Variants in FRMD8 observed in about 807,000 individuals in gnomAD.
FRMD8 encodes the protein FERM domain-containing protein 8.
A neutral mutation model predicts 54.2 loss-of-function variants in FRMD8; 37 were observed. The ratio of observed to expected loss-of-function variants is 0.68; its 90% CI spans 0.53 to 0.90. The LOEUF (loss-of-function observed/expected upper bound fraction) is 0.90. Ranked by LOEUF, FRMD8 falls within the 40% of genes least tolerant of loss-of-function variation. The pLI is 0.00. For synonymous variants in FRMD8, 246 were observed against 286.9 expected, an observed-to-expected ratio of 0.86 and a Z score of 1.44; for missense variants, 585 against 653.7, an observed-to-expected ratio of 0.89 and a Z score of 1.15.
Position 65,411,288 on chromosome 11 carries a change from C to T in FRMD8, c.1323C>T (p.Phe441=), listed in dbSNP as rs765061540. ...RVKPKRTTSF[F]SRQLSLGQGS... The stretch of plus-strand genomic sequence containing the variant: ...AGCCGAAGCGCACCACATCCTTCTT[C>T]AGCCGGCAGCTGTCCTTGGGCCAGG... Residue 441 remains phenylalanine (F), a synonymous_variant, in exon 11 of 11, where the codon TTC becomes TTT. Transcript: ENST00000317568. The T allele has an allele frequency of 5.6e-6, 9 of 1,609,760 alleles. No individual in the cohort carries two copies. Among genetic ancestry groups the T allele is most frequent in the Non-Finnish European group, 6.8e-6 (8 of 1,179,300 alleles).
chr11:65,408,337 G>A (rs1321765225), intron 10 of FRMD8, among the ~76,000 whole-genome samples: 1 of 152,018 alleles, frequency 6.6e-6, no homozygotes, highest in Non-Finnish European at 1.5e-5. Flanking sequence ...GCCTCCCAAA[G>A]TGCTGGGATT....
rs1856042145 is a variant in FRMD8, at chr11:65,400,165, A to G, written c.927+306A>G. Among the ~76,000 whole-genome samples, 1 of 152,184 alleles carries G rather than the reference A, an allele frequency of 6.6e-6. No homozygotes were observed. Among genetic ancestry groups the G allele is most frequent in the Non-Finnish European group, 1.5e-5 (1 of 68,006 alleles). On this transcript the variant is annotated intron_variant, in intron 8 of 10. Transcript: ENST00000317568. The surrounding 1 kb of genome is among the most constrained non-coding windows in gnomAD (Gnocchi z 4.3). ...TGGCTGGAGAACAGCCTGATGCTCC[A>G]GAAGACCCCGCGACGGGAGCCCTCT...
At position 65,389,400 on chromosome 11, in the gene FRMD8, T is replaced by C. The variant is rs190868663; in HGVS notation, c.125T>C (p.Val42Ala). The change falls in exon 3 of 11, where the codon GTG (valine) becomes GCG (alanine). Residue 42 changes from valine to alanine, a missense_variant. Physicochemically the swap from Val to Ala is moderately conservative, Grantham distance 64. Transcript: ENST00000317568. ...GTATACCTAGCGGATGACACGGTGG[T>C]GCCCCTGGCTGTGGAGAACCTGCCC... ...VLVYLADDTV[V>A]PLAVENLPSL... 8 of 1,610,728 alleles carry C rather than the reference T, an allele frequency of 5.0e-6. No individual in the cohort carries two copies. The Admixed American group carries it at 1.2e-4, about 23-fold the overall frequency.
chr11:65,375,113 T>A, the FRMD8 span: 1 of 148,908 alleles, frequency 6.7e-6, no homozygotes, highest in Admixed American at 6.7e-5. Flanking sequence ...GGCTGGGAGG[T>A]TCAACAGAAA....
At chr11:65,390,794 G>A (rs1246268140) in intron 3 of FRMD8, among the ~76,000 whole-genome samples, 2 of 152,210 alleles carry the variant, frequency 1.3e-5, no homozygotes, top group Non-Finnish European at 2.9e-5. Flanking sequence ...GAGCCTGCTG[G>A]GCAGCCTGCC....
At chr11:65,382,058 T>G (rs1035164606), upstream of FRMD8, 1 of 1,021,060 alleles carries the variant, frequency 9.8e-7, no homozygotes, top group African/African-American at 1.6e-5. The surrounding 1 kb of genome is among the most constrained non-coding windows in gnomAD (Gnocchi z 4.4). Context: ...TGTTTAACCC[T>G]GGCGGGAAGG....
chr11:65,373,340 T>C, the FRMD8 span, among the ~76,000 whole-genome samples: 2 of 152,198 alleles, frequency 1.3e-5, no homozygotes, highest in East Asian at 1.9e-4. Flanking sequence ...GTGTTTTCCA[T>C]AGGAGGAGCA....
At position 65,400,936 on chromosome 11, in the gene FRMD8, G is replaced by T; in HGVS notation, c.1071+69G>T. On this transcript the variant is annotated intron_variant, in intron 9 of 10. Transcript: ENST00000317568. The surrounding 1 kb of genome is among the most constrained non-coding windows in gnomAD (Gnocchi z 4.3). Reference sequence around the variant, plus strand: ...AGGTGCCCTGGGTCCCAGACAATTAGAGGCACCAGGCTGGCGGGCAAGGAG... The same window carrying T: ...AGGTGCCCTGGGTCCCAGACAATTATAGGCACCAGGCTGGCGGGCAAGGAG... 1 of 1,494,312 alleles carries T rather than the reference G, an allele frequency of 6.7e-7. No homozygotes were observed. The highest frequency in any genetic ancestry group is 1.8e-4 in the Middle Eastern group (1 of 5,590). 92.6% of individuals were successfully genotyped at this position (1,494,312 alleles called of 1,614,324 possible).
the FRMD8 span, among the ~76,000 whole-genome samples, chr11:65,373,228 C>T: frequency 6.6e-6 from 1 of 152,022 alleles, no homozygotes; most frequent in Non-Finnish European, 1.5e-5. Flanking sequence ...CAGAGCAACA[C>T]ACCATCTCAA....
At chr11:65,368,962 G>A in the FRMD8 span, among the ~76,000 whole-genome samples, 1 of 152,156 alleles carries the variant, frequency 6.6e-6, no homozygotes, top group Non-Finnish European at 1.5e-5. Context: ...TTACACGAAT[G>A]AGAGTGTGTC....
chr11:65,369,327 G>A, the FRMD8 span, among the ~76,000 whole-genome samples: 1 of 151,786 alleles, frequency 6.6e-6, no homozygotes, highest in African/African-American at 2.4e-5. Context: ...TCTCATGCCT[G>A]TAATCTCAGC....
At chr11:65,376,690 G>T in the FRMD8 span, 2 of 1,613,832 alleles carry the variant, frequency 1.2e-6, no homozygotes, top group Non-Finnish European at 1.7e-6. Context: ...GGCAGAGAGA[G>T]CCCAGAGCAG....
At chr11:65,376,496 G>A in the FRMD8 span, 22 of 1,614,038 alleles carry the variant, frequency 1.4e-5, 1 homozygote, top group Admixed American at 6.7e-5. Flanking sequence ...GTGACCCCCC[G>A]GAAGAAGACT....
chr11:65,412,070 C>T lies in FRMD8; in HGVS notation c.*710C>T, dbSNP rs1856346243. Reference sequence around the variant, plus strand: ...CCCTCGTTCTGGTCTCCTTTGCAGGCACGAGATACCAGAAAGAGCATGCCT... The same window carrying T: ...CCCTCGTTCTGGTCTCCTTTGCAGGTACGAGATACCAGAAAGAGCATGCCT... On this transcript the variant is annotated 3_prime_UTR_variant, in exon 11 of 11. Coordinates refer to ENST00000317568, the MANE Select transcript of FRMD8 (RefSeq NM_031904.5). 1 of 152,250 alleles carries T rather than the reference C, an allele frequency of 6.6e-6. No individual in the cohort carries two copies. The highest frequency in any genetic ancestry group is 1.5e-5 in the Non-Finnish European group (1 of 68,062). 9.4% of individuals were successfully genotyped at this position (152,250 alleles called of 1,614,324 possible).
intron 9 of FRMD8, among the ~76,000 whole-genome samples, chr11:65,401,217 C>T (rs767690545): frequency 9.2e-5 from 14 of 152,126 alleles, no homozygotes; most frequent in Admixed American, 4.6e-4. Context: ...CTGCGGTGGG[C>T]GTGGAAACGT....
At chr11:65,371,674 G>A in the FRMD8 span, among the ~76,000 whole-genome samples, 1 of 152,314 alleles carries the variant, frequency 6.6e-6, no homozygotes, top group Middle Eastern at 3.4e-3. Flanking sequence ...GAGTGCAATG[G>A]CGCGATTTTG....
chr11:65,409,703 C>A (rs976743915), intron 10 of FRMD8, among the ~76,000 whole-genome samples: 1 of 150,956 alleles, frequency 6.6e-6, no homozygotes, highest in African/African-American at 2.4e-5. Context: ...AGGGTTACGG[C>A]TTCAGTGAGT....
the FRMD8 span, among the ~76,000 whole-genome samples, chr11:65,371,399 T>A: frequency 1.2e-3 from 180 of 152,300 alleles, 1 homozygote; most frequent in Non-Finnish European, 1.3e-3. Flanking sequence ...GGACTTTATT[T>A]AACATGTTTG....
At chr11:65,380,126 A>G in the FRMD8 span, 1 of 1,613,606 alleles carries the variant, frequency 6.2e-7, no homozygotes, top group African/African-American at 1.3e-5. Flanking sequence ...GCTCTCCTAA[A>G]CTCACCTTTA....
Sources: allele counts gnomAD v4.1 joint callset (sites outside exome capture counted in the v4.1 genomes callset), GRCh38; gene constraint gnomAD v4.1.1; non-coding constraint Gnocchi (gnomAD v3.1); transcripts MANE v1.5; gene names NCBI Gene and HGNC (gene_info 2026-07-23, HGNC 2026-07-21).